The following TPH2 variants were observed in gnomAD, a reference collection of about 807,000 sequenced individuals.
TPH2 encodes tryptophan hydroxylase 2.
Under a neutral mutation model 59.1 loss-of-function variants are expected in TPH2, and 27 were observed. That is an observed-to-expected ratio of 0.46 (90% CI 0.34 to 0.63). TPH2 has a LOEUF of 0.63. TPH2 is among the 30% of genes least tolerant of loss of function. TPH2 has a pLI of 0.01. For synonymous variants in TPH2, 220 were observed against 210.5 expected (o/e 1.05, Z -0.39); for missense variants, 523 against 588.3 (o/e 0.89, Z 1.15).
chr12:71,985,506 C>A (rs1872407044), intron 7 of TPH2, among the ~76,000 whole-genome samples: 1 of 152,140 alleles, frequency 6.6e-6, no homozygotes, highest in African/African-American at 2.4e-5. Context: ...TCAAGCGATT[C>A]TCCTGCCTCA....
chr12:71,999,726 A>G (rs182491278), intron 8 of TPH2, among the ~76,000 whole-genome samples: 33 of 152,358 alleles, frequency 2.2e-4, no homozygotes, highest in African/African-American at 7.9e-4. Context: ...AGGGCTTCAA[A>G]TTCCAAAACT....
At chr12:71,968,363 C>G (rs1871875004) in intron 5 of TPH2, among the ~76,000 whole-genome samples, 1 of 152,216 alleles carries the variant, frequency 6.6e-6, no homozygotes, top group South Asian at 2.1e-4. Context: ...TGGCGTGGGA[C>G]TTTTCCATCT....
intron 6 of TPH2, among the ~76,000 whole-genome samples, chr12:71,975,413 C>T (rs1872089411): frequency 6.6e-6 from 1 of 152,150 alleles, no homozygotes. Context: ...AGGCAGTGGG[C>T]TGGATTTGGC....
chr12:71,976,755 C>T (rs1872130766), intron 6 of TPH2, among the ~76,000 whole-genome samples: 2 of 152,162 alleles, frequency 1.3e-5, no homozygotes. Flanking sequence ...CCAGGATGGG[C>T]CTGTTTTATA....
chr12:71,986,236 G>C (rs1364711974), intron 7 of TPH2, among the ~76,000 whole-genome samples: 1 of 152,136 alleles, frequency 6.6e-6, no homozygotes, highest in African/African-American at 2.4e-5. Flanking sequence ...AGAGAAAAAA[G>C]CTTTAGAAAA....
At chr12:71,976,984 T>A (rs1387798934) in intron 6 of TPH2, among the ~76,000 whole-genome samples, 1 of 152,100 alleles carries the variant, frequency 6.6e-6, no homozygotes, top group African/African-American at 2.4e-5. Flanking sequence ...GTGGAGTAAG[T>A]GGGGAGATAT....
intron 8 of TPH2, among the ~76,000 whole-genome samples, chr12:72,021,667 CAT>C (rs926592738): frequency 2.0e-5 from 3 of 152,076 alleles, no homozygotes; most frequent in African/African-American, 7.2e-5. Context: ...GTATTAAACA[CAT>C]TTTCAACTTA....
chr12:71,939,146 T>G, intron 1 of TPH2, 55 bp downstream of exon 1: 1 of 1,112,526 alleles, frequency 9.0e-7, no homozygotes, highest in African/African-American at 2.3e-5. Flanking sequence ...TGTGACCATC[T>G]TCTCCTCACC....
intron 6 of TPH2, among the ~76,000 whole-genome samples, chr12:71,976,626 T>C (rs867665890): frequency 8.5e-5 from 13 of 152,214 alleles, no homozygotes; most frequent in Middle Eastern, 3.2e-3. Flanking sequence ...ACACTTATCT[T>C]TTTGATATTC....
At chr12:71,953,948 A>C (rs1871423818) in intron 5 of TPH2, among the ~76,000 whole-genome samples, 1 of 152,204 alleles carries the variant, frequency 6.6e-6, no homozygotes, top group Admixed American at 6.5e-5. Context: ...TCTAAAGGTA[A>C]GGAGAAGGCA....
At chr12:72,011,432 A>C (rs1873096248) in intron 8 of TPH2, among the ~76,000 whole-genome samples, 1 of 152,246 alleles carries the variant, frequency 6.6e-6, no homozygotes, top group African/African-American at 2.4e-5. Flanking sequence ...CCAAGAAAAA[A>C]TAGCATCTCT....
rs146786094 is a variant in TPH2, at chr12:71,989,780, G to A, written c.942-4659G>A. Among the ~76,000 whole-genome samples the A allele has an allele frequency of 1.0e-3, 157 of 152,302 alleles. 1 individual carries two copies. The highest frequency in any genetic ancestry group is 4.6e-3 in the South Asian group (22 of 4,830). On this transcript the variant is annotated intron_variant, in intron 7 of 10. Transcript: ENST00000333850. Reference sequence around the variant, plus strand: ...CAACCAGAACCCTTATTTCTTCATAGCAAAATGATGGCTACTTTCTTGGAC... The same window carrying A: ...CAACCAGAACCCTTATTTCTTCATAACAAAATGATGGCTACTTTCTTGGAC...
intron 8 of TPH2, among the ~76,000 whole-genome samples, chr12:72,001,620 G>A (rs910925480): frequency 2.0e-5 from 3 of 152,060 alleles, no homozygotes; most frequent in African/African-American, 7.2e-5. Flanking sequence ...GTTTTGCCAT[G>A]TTGGCCAGGC....
chr12:72,001,670 G>A (rs755335395), intron 8 of TPH2, among the ~76,000 whole-genome samples: 6 of 152,038 alleles, frequency 3.9e-5, no homozygotes, highest in Non-Finnish European at 8.8e-5. Context: ...CATCCACCTC[G>A]GCCTCCCAAA....
chr12:71,967,526 G>A (rs2139199833), intron 5 of TPH2, among the ~76,000 whole-genome samples: 1 of 152,298 alleles, frequency 6.6e-6, no homozygotes. Context: ...AGAATCTACA[G>A]TGAATGGAAA....
chr12:71,961,494 G>T, intron 5 of TPH2: 1 of 1,337,304 alleles, frequency 7.5e-7, no homozygotes, highest in Non-Finnish European at 9.9e-7. Context: ...TTCAAACAAG[G>T]TGCAAGATGT....
intron 8 of TPH2, among the ~76,000 whole-genome samples, chr12:72,009,642 G>A (rs931285931): frequency 6.6e-6 from 1 of 152,186 alleles, no homozygotes; most frequent in African/African-American, 2.4e-5. Flanking sequence ...TGACTTGTTT[G>A]TAGTGTGTGT....
chr12:72,029,390 G>A (rs115160004), intron 9 of TPH2, among the ~76,000 whole-genome samples: 5,190 of 152,226 alleles, frequency 0.034, 290 homozygotes, highest in African/African-American at 0.12. Context: ...TTAGAACAAC[G>A]TAGTACATTA....
rs1871291316 is a variant in TPH2 at position 71,949,681 on chromosome 12, G to A, written c.608+26G>A. 3.2e-6 allele frequency: 5 copies of A among 1,585,830 alleles called. No homozygotes were observed. In the East Asian group the frequency reaches 1.1e-4, roughly 35 times the overall value. ...GTAAGTACCTGTATAACTCTTTCTT[G>A]TCACTGGCTAGTTAGGAAAAACACA... On this transcript the variant is annotated intron_variant, in intron 5 of 10. Transcript: ENST00000333850.
Sources: gnomAD v4.1 joint callset for allele counts (sites outside exome capture counted in the v4.1 genomes callset) on GRCh38, gnomAD v4.1.1 for gene constraint, MANE v1.5 for transcripts, NCBI Gene and HGNC (gene_info 2026-07-23, HGNC 2026-07-21) for gene names.